MSH3: variants seen among roughly 807,000 people sequenced by gnomAD.
MSH3 encodes the protein mutS homolog 3, also known as DNA mismatch repair protein Msh3.
Under a neutral mutation model 123.3 loss-of-function variants are expected in MSH3, and 106 were observed. The ratio of observed to expected loss-of-function variants is 0.86; its 90% CI spans 0.73 to 1.01. The LOEUF (loss-of-function observed/expected upper bound fraction) is 1.01, where lower values mean the gene tolerates loss of function less well. Among genes scored for constraint, MSH3 ranks in the 50% least tolerant of loss-of-function variants. MSH3 has a pLI of 0.00. For synonymous variants in MSH3, 515 were observed against 481.4 expected (o/e 1.07, Z -0.91); for missense variants, 1,459 against 1,347.6 (o/e 1.08, Z -1.29).
chr5:80,821,829 C>T (rs750729344), intron 20 of MSH3, among the ~76,000 whole-genome samples: 5 of 152,254 alleles, frequency 3.3e-5, no homozygotes, highest in Non-Finnish European at 7.3e-5. Flanking sequence ...AGGAAGCTTG[C>T]TTCCCTTGTT....
intron 20 of MSH3, among the ~76,000 whole-genome samples, chr5:80,845,174 GGAT>G (rs1745698422): frequency 6.6e-6 from 1 of 152,154 alleles, no homozygotes; most frequent in Non-Finnish European, 1.5e-5. Flanking sequence ...TAGTTTGGCT[GGAT>G]ATGAGATTCT....
At chr5:80,704,548 G>C (rs1750677952) in intron 8 of MSH3, among the ~76,000 whole-genome samples, 1 of 152,168 alleles carries the variant, frequency 6.6e-6, no homozygotes, top group African/African-American at 2.4e-5. Flanking sequence ...GCTAGGCTGT[G>C]CTGATCTCTC....
intron 8 of MSH3, among the ~76,000 whole-genome samples, chr5:80,715,933 A>G (rs1307893550): frequency 6.6e-6 from 1 of 152,124 alleles, no homozygotes; most frequent in Non-Finnish European, 1.5e-5. Flanking sequence ...CATATCATAT[A>G]TGGAAGCACT....
chr5:80,740,898 T>G (rs905522158), intron 10 of MSH3, among the ~76,000 whole-genome samples: 2 of 151,766 alleles, frequency 1.3e-5, no homozygotes, highest in Non-Finnish European at 2.9e-5. Flanking sequence ...TGTTTTTTAG[T>G]AGAGACGAGG....
intron 16 of MSH3, among the ~76,000 whole-genome samples, chr5:80,778,202 G>A (rs1580044778): frequency 1.3e-5 from 2 of 152,302 alleles, no homozygotes; most frequent in East Asian, 3.9e-4. Flanking sequence ...CTGTGAATCT[G>A]CACAGATCAC....
chr5:80,660,122 G>A (rs372048721), intron 2 of MSH3, among the ~76,000 whole-genome samples: 1 of 151,904 alleles, frequency 6.6e-6, no homozygotes. Context: ...AAGAAAAAGA[G>A]GTTTAATTGG....
Position 80,870,133 on chromosome 5 carries a change from C to G in MSH3, c.3131-2983C>G, listed in dbSNP as rs576605619. 3.0e-5 allele frequency among the ~76,000 whole-genome samples: 4 copies of G among 134,636 alleles called. 1 individual carries two copies. Among genetic ancestry groups the G allele is most frequent in the African/African-American group, 1.1e-4 (4 of 35,386 alleles). 88.3% of individuals were successfully genotyped at this position (134,636 alleles called of 152,430 possible). A position where few individuals can be genotyped will look rare whatever the true frequency, so the allele number is the denominator to read the frequency against. Reference sequence around the variant, plus strand: ...AGGTTGTGGTAAGTCGAGATCATGCCATTGTACTCCAGCTTGGGCAACAAG... The same window carrying G: ...AGGTTGTGGTAAGTCGAGATCATGCGATTGTACTCCAGCTTGGGCAACAAG... On this transcript the variant is annotated intron_variant, in intron 22 of 23. Transcript: ENST00000265081.
chr5:80,691,531 CT>C (rs577105178), intron 8 of MSH3, among the ~76,000 whole-genome samples: 11,269 of 143,306 alleles, frequency 0.079, 472 homozygotes, highest in Non-Finnish European at 0.096. Context: ...CAATGCAATT[CT>C]TTTTTTTTTT....
At chr5:80,744,670 A>G (rs1743683300) in intron 12 of MSH3, 55 bp downstream of exon 12, 2 of 1,344,102 alleles carry the variant, frequency 1.5e-6, no homozygotes, top group Non-Finnish European at 2.1e-6. Context: ...TTTTGAAATT[A>G]AAGGCATTTT....
At chr5:80,676,053 G>A (rs915435610) in intron 7 of MSH3, among the ~76,000 whole-genome samples, 1 of 151,984 alleles carries the variant, frequency 6.6e-6, no homozygotes, top group Non-Finnish European at 1.5e-5. Flanking sequence ...TCTTTGAGAC[G>A]GAGTTTCACC....
At chr5:80,839,356 A>G (rs1039060156) in intron 20 of MSH3, among the ~76,000 whole-genome samples, 2 of 152,216 alleles carry the variant, frequency 1.3e-5, no homozygotes, top group East Asian at 1.9e-4. Flanking sequence ...CAACAGAGTG[A>G]GACTCTGTCT....
chr5:80,683,378 C>T (rs1191758045), intron 8 of MSH3, among the ~76,000 whole-genome samples: 3 of 152,068 alleles, frequency 2.0e-5, no homozygotes, highest in Non-Finnish European at 4.4e-5. Context: ...TTTATTATTG[C>T]ATGTCTTTGG....
chr5:80,751,152 C>A (rs1743828104), intron 12 of MSH3, among the ~76,000 whole-genome samples: 1 of 152,124 alleles, frequency 6.6e-6, no homozygotes. Flanking sequence ...TAAACTCATA[C>A]TAACTTGTTA....
At chr5:80,791,373 G>T (rs1744603622) in intron 18 of MSH3, among the ~76,000 whole-genome samples, 1 of 152,120 alleles carries the variant, frequency 6.6e-6, no homozygotes. Context: ...ATACAAATGT[G>T]AAAAGAATCA....
intron 20 of MSH3, among the ~76,000 whole-genome samples, chr5:80,815,169 T>A (rs2112056727): frequency 6.6e-6 from 1 of 152,318 alleles, no homozygotes; most frequent in Admixed American, 6.5e-5. Flanking sequence ...ATGAACAAAG[T>A]ACCCTGAATT....
chr5:80,812,538 A>C (rs1745026539), intron 19 of MSH3, among the ~76,000 whole-genome samples: 1 of 147,986 alleles, frequency 6.8e-6, no homozygotes, highest in African/African-American at 2.5e-5. Context: ...TGATTGGCCT[A>C]GTTTGAGAAG....
chr5:80,691,115 A>C (rs886727808), intron 8 of MSH3, among the ~76,000 whole-genome samples: 9 of 152,054 alleles, frequency 5.9e-5, no homozygotes, highest in Admixed American at 5.2e-4. Context: ...TGAATAGCAC[A>C]ACTGAAAAGT....
chr5:80,781,270 T>C (rs986873122), intron 17 of MSH3, among the ~76,000 whole-genome samples: 16 of 152,290 alleles, frequency 1.1e-4, no homozygotes, highest in African/African-American at 3.9e-4. Context: ...CCTTTCAGTC[T>C]TCAAGGACTC....
chr5:80,696,209 G>A (rs1046434713), intron 8 of MSH3, among the ~76,000 whole-genome samples: 2 of 152,138 alleles, frequency 1.3e-5, no homozygotes, highest in African/African-American at 2.4e-5. Context: ...CTGGTGTTTC[G>A]CCTGATACCA....
Sources: gnomAD v4.1 joint callset for allele counts (sites outside exome capture counted in the v4.1 genomes callset) on GRCh38, gnomAD v4.1.1 for gene constraint, MANE v1.5 for transcripts, NCBI Gene and HGNC (gene_info 2026-07-23, HGNC 2026-07-21) for gene names.